CFAP99: variants seen among roughly 807,000 people sequenced by gnomAD.
The protein encoded by CFAP99 is cilia and flagella associated protein 99.
In CFAP99, 84 loss-of-function variants were observed where a neutral mutation model predicts 82.7. That is an observed-to-expected ratio of 1.02 (90% confidence interval 0.85 to 1.22). CFAP99 has a LOEUF of 1.22. Ranked by LOEUF, CFAP99 falls within the 50% of genes most tolerant of loss-of-function variation. The pLI is 0.00. For synonymous variants in CFAP99, 456 were observed against 429.5 expected, an observed-to-expected ratio of 1.06 and a Z score of -0.76; for missense variants, 1,059 against 983.5, an observed-to-expected ratio of 1.08 and a Z score of -1.03.
intron 6 of CFAP99, among the ~76,000 whole-genome samples, chr4:2,447,317 G>A (rs1457568275): frequency 6.6e-6 from 1 of 151,580 alleles, no homozygotes; most frequent in African/African-American, 2.4e-5. Flanking sequence ...TGGATGGATG[G>A]ATACATGCAT....
intron 1 of CFAP99, among the ~76,000 whole-genome samples, chr4:2,421,263 G>A (rs572940394): frequency 6.6e-6 from 1 of 151,142 alleles, no homozygotes; most frequent in South Asian, 2.1e-4. Context: ...GCTGTTTTGT[G>A]TCTGATGGAA....
rs537306339 is a variant in CFAP99, at chr4:2,458,856, A to T, written c.1295A>T (p.Gln432Leu). The change falls in exon 12 of 15, where the codon CAG (glutamine) becomes CTG (leucine). Residue 432 changes from glutamine (Q) to leucine (L), a missense_variant. By Grantham distance (113) the Gln-to-Leu change is moderately radical (BLOSUM62 -2). Transcript: ENST00000635017. ...CAGACGAAGCTCGCGAAGGGCCGAC[A>T]GCAGACAGGTAGTCAGGAGCCAGAT... 13 of 1,534,894 alleles carry T rather than the reference A, an allele frequency of 8.5e-6. No individual in the cohort carries two copies. The East Asian group carries it at 3.2e-4, about 38-fold the overall frequency.
chr4:2,422,596 A>T (rs1733606537), intron 1 of CFAP99, among the ~76,000 whole-genome samples: 2 of 152,040 alleles, frequency 1.3e-5, no homozygotes. Flanking sequence ...CACCACACAC[A>T]TGCAGACCAT....
chr4:2,461,772 C>G (rs978815842), intron 14 of CFAP99, among the ~76,000 whole-genome samples: 4 of 152,100 alleles, frequency 2.6e-5, no homozygotes, highest in African/African-American at 7.2e-5. Context: ...GTGAGGTCCA[C>G]TGACGCCAAA....
At chr4:2,439,655 T>C (rs1164988618) in intron 4 of CFAP99, among the ~76,000 whole-genome samples, 5 of 152,186 alleles carry the variant, frequency 3.3e-5, no homozygotes, top group Non-Finnish European at 5.9e-5. Flanking sequence ...GCATACACAT[T>C]TGTATAGTTA....
At chr4:2,456,950 C>CTTTTTT (rs574632036) in intron 11 of CFAP99, among the ~76,000 whole-genome samples, 2 of 109,476 alleles carry the variant, frequency 1.8e-5, no homozygotes, top group Non-Finnish European at 3.6e-5. Flanking sequence ...TCTTTGAATA[C>CTTTTTT]TTTTTTTTTT....
intron 4 of CFAP99, among the ~76,000 whole-genome samples, chr4:2,440,177 C>T (rs565640150): frequency 0.013 from 1,109 of 88,368 alleles, 11 homozygotes; most frequent in Admixed American, 0.02. Flanking sequence ...GACGGAGTCT[C>T]GCTCTGTCGC....
chr4:2,459,129 CA>C lies in CFAP99; in HGVS notation c.1327del (p.Arg443GlyfsTer41). 1 of 1,530,666 alleles carries C rather than the reference CA, an allele frequency of 6.5e-7. No individual in the cohort carries two copies. Among genetic ancestry groups the C allele is most frequent in the Non-Finnish European group, 8.7e-7 (1 of 1,144,200 alleles). 94.8% of individuals were successfully genotyped at this position (1,530,666 alleles called of 1,614,324 possible). On this transcript the variant is annotated frameshift_variant, in exon 13 of 15. Transcript: ENST00000635017. LOFTEE classifies it high-confidence loss of function. ...AAGTTCAGGAGGCGATCGAGGAGAGCAGGGGGCTGCTGCAGCGCAGGGCGCA... is the reference window on the plus strand; with the variant it reads ...AAGTTCAGGAGGCGATCGAGGAGAGCGGGGGCTGCTGCAGCGCAGGGCGCA...
chr4:2,433,770 C>G (rs1486526135), intron 2 of CFAP99, among the ~76,000 whole-genome samples: 2 of 152,240 alleles, frequency 1.3e-5, no homozygotes, highest in Non-Finnish European at 2.9e-5. Flanking sequence ...AAGCACAGTC[C>G]TCACAGCCGT....
intron 2 of CFAP99, 36 bp from the exon 3 acceptor site, chr4:2,436,838 C>T: frequency 6.5e-7 from 1 of 1,532,530 alleles, no homozygotes; most frequent in Non-Finnish European, 8.7e-7. Flanking sequence ...TCCTCCCGGC[C>T]CAGCCAGGGC....
intron 1 of CFAP99, among the ~76,000 whole-genome samples, chr4:2,421,064 A>G (rs1329392342): frequency 6.6e-6 from 1 of 152,234 alleles, no homozygotes; most frequent in Non-Finnish European, 1.5e-5. Flanking sequence ...GGAAAGGGGT[A>G]GTGGAGATTG....
Position 2,433,345 on chromosome 4 carries a change from C to T in CFAP99, c.112-3529C>T, listed in dbSNP as rs548625630. The stretch of plus-strand genomic sequence containing the variant: ...AGTCCCGCAAAGTCATCACCCTCAG[C>T]GGCCACGCTGACTCACTGCTCTCGG... On this transcript the variant is annotated intron_variant, in intron 2 of 14. Coordinates refer to ENST00000635017, the Ensembl canonical transcript of CFAP99. 5.4e-4 allele frequency among the ~76,000 whole-genome samples: 82 copies of T among 152,022 alleles called. 1 individual carries two copies. Among genetic ancestry groups the T allele is most frequent in the African/African-American group, 1.9e-3 (77 of 41,392 alleles).
chr4:2,420,794 C>T (rs976142774), intron 1 of CFAP99, among the ~76,000 whole-genome samples: 2 of 152,180 alleles, frequency 1.3e-5, no homozygotes, highest in Non-Finnish European at 2.9e-5. Context: ...CTGCCATTCA[C>T]GTTTCTTCAT....
intron 2 of CFAP99, among the ~76,000 whole-genome samples, chr4:2,429,846 C>T (rs906071529): frequency 6.6e-6 from 1 of 152,230 alleles, no homozygotes; most frequent in African/African-American, 2.4e-5. Flanking sequence ...CCGCCTCGGC[C>T]TCCCAAGGTG....
exon 11 of CFAP99, chr4:2,452,254 T>C: frequency 6.5e-7 from 1 of 1,535,848 alleles, no homozygotes; most frequent in Non-Finnish European, 8.7e-7. Flanking sequence ...GTGCCGGCGG[T>C]TGCAAGGGAA....
chr4:2,429,838 G>A (rs1023313625), intron 2 of CFAP99, among the ~76,000 whole-genome samples: 9 of 152,138 alleles, frequency 5.9e-5, no homozygotes, highest in Non-Finnish European at 1.0e-4. Context: ...TGATCCGCCC[G>A]CCTCGGCCTC....
chr4:2,437,029 G>A lies in CFAP99; in HGVS notation c.256+11G>A, dbSNP rs1284803774. ...ACAGCCGCTTCGAGGGTAGGTGCCTGGCTGGTCCCCAGGGCCAGGCCGTAG... is the reference window on the plus strand; with the variant it reads ...ACAGCCGCTTCGAGGGTAGGTGCCTAGCTGGTCCCCAGGGCCAGGCCGTAG... On this transcript the variant is annotated intron_variant, in intron 3 of 14. Coordinates refer to ENST00000635017, the Ensembl canonical transcript of CFAP99. 2.0e-6 allele frequency: 3 copies of A among 1,535,864 alleles called. No individual in the cohort carries two copies. The highest frequency in any genetic ancestry group is 3.9e-5 in the Admixed American group (2 of 50,984).
chr4:2,446,698 T>A lies in CFAP99; in HGVS notation c.642+1390T>A, dbSNP rs535396996. On this transcript the variant is annotated intron_variant, in intron 6 of 14. Coordinates refer to ENST00000635017, the Ensembl canonical transcript of CFAP99. The surrounding 1 kb of genome is among the most constrained non-coding windows in gnomAD (Gnocchi z 5.0). The stretch of plus-strand genomic sequence containing the variant: ...AGCCACCACACCTGGCCATTATTGG[T>A]CCCATATTCTCAATGCCTAGCCTAG... Among the ~76,000 whole-genome samples the A allele has an allele frequency of 2.0e-5, 3 of 152,310 alleles. No homozygotes were observed. In the South Asian group the frequency reaches 6.2e-4, roughly 32 times the overall value.
chr4:2,436,770 C>A (rs1733920571), intron 2 of CFAP99, 104 bp from the exon 3 acceptor site: 1 of 939,160 alleles, frequency 1.1e-6, no homozygotes, highest in Non-Finnish European at 1.6e-6. Flanking sequence ...CCCTTTGCAG[C>A]CCCGGGGCCG....
Sources: allele counts gnomAD v4.1 joint callset (sites outside exome capture counted in the v4.1 genomes callset), GRCh38; gene constraint gnomAD v4.1.1; non-coding constraint Gnocchi (gnomAD v3.1); transcripts MANE v1.5; gene names NCBI Gene and HGNC (gene_info 2026-07-23, HGNC 2026-07-21).